GLI2: variants seen among roughly 807,000 people sequenced by gnomAD.
GLI2 encodes the protein GLI family zinc finger 2, also known as transcription activator GLI2.
A neutral mutation model predicts 78.9 loss-of-function variants in GLI2; 22 were observed. The ratio of observed to expected loss-of-function variants is 0.28; its 90% confidence interval spans 0.20 to 0.40. The LOEUF (loss-of-function observed/expected upper bound fraction) is 0.40, where lower values mean the gene tolerates loss of function less well. Among genes scored for constraint, GLI2 ranks in the 10% least tolerant of loss-of-function variants. The pLI, the probability that GLI2 is intolerant of heterozygous loss-of-function variation, is 1.00. For synonymous variants in GLI2, 974 were observed against 963.7 expected, an observed-to-expected ratio of 1.01 and a Z score of -0.20; for missense variants, 2,097 against 2,213.2, an observed-to-expected ratio of 0.95 and a Z score of 1.05.
chr2:120,930,071 C>T (rs568166708), intron 3 of GLI2, among the ~76,000 whole-genome samples: 35 of 152,294 alleles, frequency 2.3e-4, no homozygotes, highest in Middle Eastern at 3.4e-3. Context: ...GCTCCCTGCA[C>T]GGGATGTTGG....
intron 1 of GLI2, among the ~76,000 whole-genome samples, chr2:120,771,278 T>G (rs1683514149): frequency 6.6e-6 from 1 of 152,164 alleles, no homozygotes; most frequent in African/African-American, 2.4e-5. Context: ...ACGTGCCGCT[T>G]GGGTTCAGCA....
intron 2 of GLI2, among the ~76,000 whole-genome samples, chr2:120,814,402 G>A (rs1388535363): frequency 6.6e-6 from 1 of 152,212 alleles, no homozygotes; most frequent in Non-Finnish European, 1.5e-5. Context: ...AGGTGTGTGA[G>A]TGTGGTAAAA....
chr2:120,845,610 C>T (rs78381375), intron 2 of GLI2, among the ~76,000 whole-genome samples: 2 of 152,162 alleles, frequency 1.3e-5, no homozygotes, highest in East Asian at 1.9e-4. Context: ...GGAAAGCAAA[C>T]GGCACAGCAG....
At chr2:120,791,371 G>A (rs1340879928) in intron 1 of GLI2, among the ~76,000 whole-genome samples, 3 of 152,170 alleles carry the variant, frequency 2.0e-5, no homozygotes, top group South Asian at 2.1e-4. Flanking sequence ...TTTTCCCAGT[G>A]GAGACAGTGG....
intron 2 of GLI2, among the ~76,000 whole-genome samples, chr2:120,813,928 G>C (rs1207579589): frequency 6.6e-6 from 1 of 152,088 alleles, no homozygotes; most frequent in Non-Finnish European, 1.5e-5. Context: ...GGTATACCTG[G>C]TTTATTTGGA....
At chr2:120,836,339 G>A (rs535002888) in intron 2 of GLI2, among the ~76,000 whole-genome samples, 3 of 152,280 alleles carry the variant, frequency 2.0e-5, no homozygotes, top group Admixed American at 6.5e-5. Flanking sequence ...GTGTGTATAT[G>A]TGTATATTTT....
At chr2:120,966,577 T>C (rs1397495514) in intron 5 of GLI2, among the ~76,000 whole-genome samples, 1 of 152,246 alleles carries the variant, frequency 6.6e-6, no homozygotes, top group East Asian at 1.9e-4. Context: ...CTCTGTCCTC[T>C]CTATGCCTTG....
intron 1 of GLI2, among the ~76,000 whole-genome samples, chr2:120,780,765 C>A (rs750429319): frequency 6.6e-6 from 1 of 152,224 alleles, no homozygotes; most frequent in Admixed American, 6.5e-5. Context: ...AACTCTGGAG[C>A]TTGCCAGTCT....
chr2:120,931,966 C>T (rs1024645179), intron 3 of GLI2, among the ~76,000 whole-genome samples: 21 of 152,206 alleles, frequency 1.4e-4, no homozygotes, highest in East Asian at 3.9e-4. Flanking sequence ...TTGGTTCCCG[C>T]CAGACTGAGT....
At chr2:120,934,145 G>A (rs1257005319) in intron 3 of GLI2, among the ~76,000 whole-genome samples, 5 of 152,158 alleles carry the variant, frequency 3.3e-5, no homozygotes, top group Admixed American at 1.3e-4. Context: ...CTTGCTTGAC[G>A]TCCGGGAAAG....
At chr2:120,857,169 C>A (rs1000467923) in intron 2 of GLI2, among the ~76,000 whole-genome samples, 2 of 152,094 alleles carry the variant, frequency 1.3e-5, no homozygotes, top group African/African-American at 4.8e-5. Context: ...AGCTGCACAT[C>A]ACAAAGATCT....
intron 2 of GLI2, among the ~76,000 whole-genome samples, chr2:120,878,501 A>G (rs116630172): frequency 2.1e-3 from 316 of 152,366 alleles, no homozygotes; most frequent in African/African-American, 7.4e-3. Context: ...TGAAATATTT[A>G]TGAAGAATCT....
intron 1 of GLI2, among the ~76,000 whole-genome samples, chr2:120,778,580 A>T (rs1184220453): frequency 6.6e-6 from 1 of 152,162 alleles, no homozygotes; most frequent in East Asian, 1.9e-4. Flanking sequence ...AGAGCTTCAG[A>T]TTCCACATGT....
intron 2 of GLI2, among the ~76,000 whole-genome samples, chr2:120,823,448 C>T (rs1275782370): frequency 6.6e-6 from 1 of 152,158 alleles, no homozygotes; most frequent in Non-Finnish European, 1.5e-5. Context: ...AGAGGGACAT[C>T]ACTCGCCCAG....
At chr2:120,838,103 C>G (rs1686701537) in intron 2 of GLI2, among the ~76,000 whole-genome samples, 1 of 152,148 alleles carries the variant, frequency 6.6e-6, no homozygotes, top group African/African-American at 2.4e-5. Flanking sequence ...TGAGTTTTCC[C>G]GCCCATGATC....
chr2:120,901,911 T>C (rs1488294107), intron 2 of GLI2, among the ~76,000 whole-genome samples: 1 of 152,202 alleles, frequency 6.6e-6, no homozygotes, highest in Non-Finnish European at 1.5e-5. Context: ...TTTAAACATA[T>C]ACTTGTAATT....
chr2:120,794,731 C>T (rs539413091), intron 1 of GLI2, among the ~76,000 whole-genome samples: 5 of 152,158 alleles, frequency 3.3e-5, no homozygotes, highest in African/African-American at 9.6e-5. Context: ...ACAGCAGGCA[C>T]GAACCAGTGT....
intron 2 of GLI2, 132 bp from the exon 3 acceptor site, chr2:120,927,229 G>A (rs187949319): frequency 5.2e-5 from 40 of 768,600 alleles, no homozygotes; most frequent in African/African-American, 3.7e-4. Flanking sequence ...GTGTGATCGC[G>A]CGGGCACTGC....
At chr2:120,740,561 G>A (rs868250910) in intron 1 of GLI2, among the ~76,000 whole-genome samples, 2 of 152,160 alleles carry the variant, frequency 1.3e-5, no homozygotes, top group African/African-American at 4.8e-5. Context: ...TTCAGCAAAG[G>A]GAAGGAAAGC....
Sources: allele counts gnomAD v4.1 joint callset (sites outside exome capture counted in the v4.1 genomes callset), GRCh38; gene constraint gnomAD v4.1.1; transcripts MANE v1.5; gene names NCBI Gene and HGNC (gene_info 2026-07-23, HGNC 2026-07-21).